The following RAPGEF6 variants were observed in gnomAD, a reference collection of about 807,000 sequenced individuals.
RAPGEF6 encodes the protein Rap guanine nucleotide exchange factor 6, also known as PDZ domain containing guanine nucleotide exchange factor (GEF) 2.
A neutral mutation model predicts 171.4 loss-of-function variants in RAPGEF6; 56 were observed. The observed-to-expected ratio is 0.33, with a 90% confidence interval of 0.26 to 0.41. The LOEUF is 0.41. Ranked by LOEUF, RAPGEF6 falls within the 10% of genes least tolerant of loss-of-function variation. The pLI is 1.00. For synonymous variants in RAPGEF6, 692 were observed against 650.1 expected (o/e 1.06, Z -0.98); for missense variants, 1,674 against 1,921.4 (o/e 0.87, Z 2.41).
At chr5:131,532,577 C>T (rs1759466976) in intron 6 of RAPGEF6, among the ~76,000 whole-genome samples, 1 of 152,000 alleles carries the variant, frequency 6.6e-6, no homozygotes, top group Non-Finnish European at 1.5e-5. Flanking sequence ...TTATTTCATT[C>T]TGTAGAACAA....
At chr5:131,592,016 C>T (rs1156315384) in intron 4 of RAPGEF6, among the ~76,000 whole-genome samples, 1 of 152,086 alleles carries the variant, frequency 6.6e-6, no homozygotes, top group Non-Finnish European at 1.5e-5. Flanking sequence ...CGCCACCACA[C>T]CTAGCTAATT....
At chr5:131,554,276 C>A (rs572613726) in intron 5 of RAPGEF6, among the ~76,000 whole-genome samples, 1 of 152,086 alleles carries the variant, frequency 6.6e-6, no homozygotes. Flanking sequence ...AGAGACTTAA[C>A]AGAAGATCTT....
rs771844918 is a variant in RAPGEF6 at position 131,439,583 on chromosome 5, T to G, written c.3743A>C (p.Lys1248Thr). The G allele has an allele frequency of 6.2e-7, 1 of 1,609,602 alleles. No individual in the cohort carries two copies. Among genetic ancestry groups the G allele is most frequent in the South Asian group, 1.1e-5 (1 of 90,226 alleles). Residue 1248 changes from lysine (K) to threonine (T), a missense_variant and splice_region_variant, in exon 24 of 28, where the codon AAA becomes ACA. Transcript: ENST00000509018. ...PPASPQGSPH[K>T]GYTLIPSAKS... is the part of the protein sequence containing the mutation. ...TAGTTTGAAATGTTTTGTCTTACCTTTGTGAGGGGAGCCTTGAGGAGATGC... is the reference window on the plus strand; with the variant it reads ...TAGTTTGAAATGTTTTGTCTTACCTGTGTGAGGGGAGCCTTGAGGAGATGC...
rs537477552 is a variant in RAPGEF6 at position 131,603,468 on chromosome 5, G to C, written c.141-141C>G. On this transcript the variant is annotated intron_variant, in intron 2 of 27. Transcript: ENST00000509018. ...CAGTATGTTGTCACTAAACTACAGA[G>C]AGTTTAGAAATATATGTGTATTTTA... 5.3e-5 allele frequency: 31 copies of C among 585,468 alleles called. 1 individual carries two copies. In the South Asian group the frequency reaches 7.5e-4, roughly 14 times the overall value. 36.3% of individuals were successfully genotyped at this position (585,468 alleles called of 1,614,324 possible). A position where few individuals can be genotyped will look rare whatever the true frequency, so the allele number is the denominator to read the frequency against.
Position 131,461,990 on chromosome 5 carries a change from C to T in RAPGEF6, c.2579G>A (p.Ser860Asn). ...KESQLSMLQL[S>N]TIEVATQLSM... The stretch of plus-strand genomic sequence containing the variant: ...CAGCTGGGTGGCCACCTCAATGGTA[C>T]TGAGCTGCAGCATGGATAGCTGGCT... Residue 860 changes from serine (S) to asparagine (N), a missense_variant, in exon 19 of 28, where the codon AGT (serine) becomes AAT (asparagine). Coordinates refer to ENST00000509018, the MANE Select transcript of RAPGEF6 (RefSeq NM_016340.6). 1 of 1,614,148 alleles carries T rather than the reference C, an allele frequency of 6.2e-7. No individual in the cohort carries two copies. The highest frequency in any genetic ancestry group is 8.5e-7 in the Non-Finnish European group (1 of 1,180,000).
chr5:131,480,517 C>T (rs1755399537), intron 15 of RAPGEF6, among the ~76,000 whole-genome samples: 4 of 152,100 alleles, frequency 2.6e-5, no homozygotes, highest in Admixed American at 2.6e-4. Context: ...CTCACTCTGT[C>T]GCCCAGGCTG....
intron 6 of RAPGEF6, among the ~76,000 whole-genome samples, chr5:131,521,879 ACACACACACACACTCT>A (rs1163116114): frequency 2.1e-4 from 26 of 124,970 alleles, no homozygotes; most frequent in South Asian, 1.5e-3. Context: ...ACACACACAC[ACACACACACACACTCT>A]CTCTCTCTCT....
In RAPGEF6 at chr5:131,582,847, T is replaced by C. The variant is rs180930093; in HGVS notation, c.281+9536A>G. Among the ~76,000 whole-genome samples the C allele has an allele frequency of 1.5e-4, 23 of 152,282 alleles. No homozygotes were observed. In the Middle Eastern group the frequency reaches 0.01, roughly 68 times the overall value. Reference sequence around the variant, plus strand: ...TTCTCATAGACTGCCGGTGAGAATATAAAATGATACAGCTTTGGAGAAGAG... The same window carrying C: ...TTCTCATAGACTGCCGGTGAGAATACAAAATGATACAGCTTTGGAGAAGAG... On this transcript the variant is annotated intron_variant, in intron 4 of 27. Transcript: ENST00000509018.
chr5:131,442,355 C>A lies in RAPGEF6; in HGVS notation c.3604G>T (p.Ala1202Ser). The A allele has an allele frequency of 6.2e-7, 1 of 1,613,368 alleles. No homozygotes were observed. The highest frequency in any genetic ancestry group is 8.5e-7 in the Non-Finnish European group (1 of 1,179,510). Residue 1202 changes from alanine to serine, a missense_variant, in exon 23 of 28, where the codon GCA becomes TCA. By Grantham distance (99) the Ala-to-Ser change is moderately conservative. Coordinates refer to ENST00000509018, the MANE Select transcript of RAPGEF6 (RefSeq NM_016340.6). The stretch of plus-strand genomic sequence containing the variant: ...ATTAATGGTGAATACTCACTCAGTG[C>A]AGGGTCTTTTGTTTGTCCCTTCTTC... ...IRKKGQTKDP[A>S]LNTSLPQKVL...
Position 131,510,399 on chromosome 5 carries a change from A to G in RAPGEF6, c.720T>C (p.Ile240=). The G allele has an allele frequency of 6.2e-7, 1 of 1,614,152 alleles. No homozygotes were observed. Among genetic ancestry groups the G allele is most frequent in the Non-Finnish European group, 8.5e-7 (1 of 1,180,028 alleles). ...SEDDEEEDEE[I]DRTDPLQGRD... is the part of the protein sequence containing the mutation. ...GCCCCTGCAATGGATCTGTTCGATC[A>G]ATCTCTTCATCTTCCTCTTCGTCAT... is the stretch of plus-strand genomic sequence containing the variant. Residue 240 remains isoleucine, a synonymous_variant, in exon 8 of 28, where the codon ATT becomes ATC. Transcript: ENST00000509018.
chr5:131,482,406 G>A (rs1755549733), intron 15 of RAPGEF6, among the ~76,000 whole-genome samples: 1 of 152,108 alleles, frequency 6.6e-6, no homozygotes, highest in African/African-American at 2.4e-5. Context: ...GGGCTCATCT[G>A]ATCCTCCCAC....
chr5:131,554,718 T>C (rs866581652), intron 5 of RAPGEF6, among the ~76,000 whole-genome samples: 3 of 152,138 alleles, frequency 2.0e-5, no homozygotes, highest in African/African-American at 7.2e-5. Context: ...GGTTTCACCA[T>C]GTTGGCCAGG....
intron 5 of RAPGEF6, among the ~76,000 whole-genome samples, chr5:131,561,774 G>A (rs528494294): frequency 3.0e-4 from 45 of 151,824 alleles, no homozygotes; most frequent in African/African-American, 1.0e-3. Flanking sequence ...ATATGTAAGT[G>A]TATCATGTTT....
chr5:131,429,249 T>C, intron 26 of RAPGEF6, 33 bp from the exon 27 acceptor site: 2 of 1,457,854 alleles, frequency 1.4e-6, no homozygotes, highest in Non-Finnish European at 9.2e-7. Flanking sequence ...AAAATGTTAA[T>C]GAAAAAGAAA....
chr5:131,579,387 CT>C (rs1352921852), intron 4 of RAPGEF6, among the ~76,000 whole-genome samples: 2 of 152,242 alleles, frequency 1.3e-5, no homozygotes, highest in Non-Finnish European at 2.9e-5. Flanking sequence ...GCACAGCCTG[CT>C]TTTATTCCCT....
In RAPGEF6 at chr5:131,495,288, G is replaced by A. The variant is rs561389833; in HGVS notation, c.1527+265C>T. On this transcript the variant is annotated intron_variant, in intron 13 of 27. Coordinates refer to ENST00000509018, the MANE Select transcript of RAPGEF6 (RefSeq NM_016340.6). Reference sequence around the variant, plus strand: ...CCAGCCTGGGCGACAGCGAGACTCCGTCTCAAAAAAAAAACAAATAAATAC... The same window carrying A: ...CCAGCCTGGGCGACAGCGAGACTCCATCTCAAAAAAAAAACAAATAAATAC... 1.2e-4 allele frequency among the ~76,000 whole-genome samples: 17 copies of A among 144,410 alleles called. No individual in the cohort carries two copies. In the East Asian group the frequency reaches 2.2e-3, roughly 19 times the overall value. 94.7% of individuals were successfully genotyped at this position (144,410 alleles called of 152,430 possible).
intron 11 of RAPGEF6, among the ~76,000 whole-genome samples, chr5:131,504,063 T>C (rs1757192265): frequency 1.3e-5 from 2 of 152,164 alleles, no homozygotes; most frequent in Admixed American, 1.3e-4. Context: ...TGGCATACAA[T>C]ATTAAGTTTG....
At chr5:131,634,908 G>C in intron 1 of RAPGEF6, 54 bp downstream of exon 1, 1 of 1,597,804 alleles carries the variant, frequency 6.3e-7, no homozygotes, top group Non-Finnish European at 8.6e-7. Flanking sequence ...CGGACAGACA[G>C]GAGGATGCTG....
At chr5:131,571,797 C>A (rs1236550512) in intron 4 of RAPGEF6, among the ~76,000 whole-genome samples, 1 of 152,154 alleles carries the variant, frequency 6.6e-6, no homozygotes, top group African/African-American at 2.4e-5. Flanking sequence ...AGGATCCATA[C>A]TGGTAAGTCC....
Sources: gnomAD v4.1 joint callset for allele counts (sites outside exome capture counted in the v4.1 genomes callset) on GRCh38, gnomAD v4.1.1 for gene constraint, MANE v1.5 for transcripts, NCBI Gene and HGNC (gene_info 2026-07-23, HGNC 2026-07-21) for gene names.